CRB1: variants seen among roughly 807,000 people sequenced by gnomAD.
CRB1 encodes crumbs cell polarity complex component 1, also known as protein crumbs homolog 1.
A neutral mutation model predicts 120.0 loss-of-function variants in CRB1; 83 were observed. The ratio of observed to expected loss-of-function variants is 0.69; its 90% confidence interval spans 0.58 to 0.83. CRB1 has a LOEUF of 0.83. CRB1 is among the 40% of genes least tolerant of loss of function. CRB1 has a pLI of 0.00. For synonymous variants in CRB1, 625 were observed against 612.5 expected (o/e 1.02, Z -0.30); for missense variants, 1,699 against 1,687.6 (o/e 1.01, Z -0.12).
At chr1:197,451,152 A>G (rs573912722) in intron 11 of CRB1, among the ~76,000 whole-genome samples, 2 of 152,188 alleles carry the variant, frequency 1.3e-5, no homozygotes, top group Non-Finnish European at 2.9e-5. Flanking sequence ...ACCGTATTTC[A>G]GAAATAGTGT....
At chr1:197,321,857 A>T (rs1658216270) in intron 1 of CRB1, among the ~76,000 whole-genome samples, 1 of 152,200 alleles carries the variant, frequency 6.6e-6, no homozygotes, top group South Asian at 2.1e-4. Flanking sequence ...GACTTCTAAC[A>T]ATTTGAATAT....
At chr1:197,360,438 T>C (rs748813500) in intron 5 of CRB1, 19 of 152,244 alleles carry the variant, frequency 1.2e-4, no homozygotes, top group Non-Finnish European at 2.4e-4. Context: ...GGACTGCTTA[T>C]GGGGTCACCA....
intron 5 of CRB1, among the ~76,000 whole-genome samples, chr1:197,406,877 C>A (rs1663437576): frequency 6.6e-6 from 1 of 152,134 alleles, no homozygotes; most frequent in Non-Finnish European, 1.5e-5. Context: ...GTTCTCACAA[C>A]AACTAAAGGT....
intron 5 of CRB1, among the ~76,000 whole-genome samples, chr1:197,361,852 A>T (rs1660786607): frequency 1.3e-5 from 2 of 148,900 alleles, no homozygotes; most frequent in African/African-American, 5.0e-5. Flanking sequence ...TTATATCCTT[A>T]TTTCTGTTTG....
chr1:197,228,906 A>G, the CRB1 span, among the ~76,000 whole-genome samples: 2 of 152,342 alleles, frequency 1.3e-5, no homozygotes, highest in Middle Eastern at 3.4e-3. Flanking sequence ...GAGGAGGTGC[A>G]AAAGCGGAAA....
chr1:197,286,225 C>G (rs1479284740), intron 1 of CRB1, among the ~76,000 whole-genome samples: 1 of 151,924 alleles, frequency 6.6e-6, no homozygotes, highest in Non-Finnish European at 1.5e-5. Context: ...GGTTACCTAT[C>G]AAAGGGCACA....
intron 4 of CRB1, among the ~76,000 whole-genome samples, chr1:197,354,835 CCCG>C (rs1660364492): frequency 1.4e-3 from 22 of 15,358 alleles, no homozygotes; most frequent in Non-Finnish European, 5.7e-3. Flanking sequence ...ACCCCCCCCC[CCCG>C]CCCACCCCCC....
At chr1:197,262,494 T>C in the CRB1 span, among the ~76,000 whole-genome samples, 1 of 152,240 alleles carries the variant, frequency 6.6e-6, no homozygotes, top group East Asian at 1.9e-4. Flanking sequence ...GATTTTATTT[T>C]GCTTCTTTTA....
rs139135936 is a variant in CRB1 at position 197,288,660 on chromosome 1, T to C, written c.70+20178T>C. The stretch of plus-strand genomic sequence containing the variant: ...ATGAGAAAGATTCAAATCAAACTTA[T>C]AGAGAAAGAATCTACAAGGTATAAG... On this transcript the variant is annotated intron_variant, in intron 1 of 11. Coordinates refer to ENST00000367400, the MANE Select transcript of CRB1 (RefSeq NM_201253.3). Among the ~76,000 whole-genome samples, 39 of 151,856 alleles carry C rather than the reference T, an allele frequency of 2.6e-4. No individual in the cohort carries two copies. In the East Asian group the frequency reaches 3.1e-3, roughly 12 times the overall value.
chr1:197,351,968 G>T (rs1660137228), intron 4 of CRB1, among the ~76,000 whole-genome samples: 1 of 152,150 alleles, frequency 6.6e-6, no homozygotes. Flanking sequence ...TTCAGCTCAT[G>T]ACTTCACTGC....
At chr1:197,410,020 C>A (rs1663622724) in intron 5 of CRB1, among the ~76,000 whole-genome samples, 1 of 152,128 alleles carries the variant, frequency 6.6e-6, no homozygotes, top group Non-Finnish European at 1.5e-5. Context: ...CTCCTGACCT[C>A]GTGATCCGCC....
chr1:197,435,204 A>G lies in CRB1; in HGVS notation c.3341A>G (p.His1114Arg). Residue 1114 changes from histidine (H) to arginine (R), a missense_variant, in exon 9 of 12, where the codon CAT becomes CGT. Transcript: ENST00000367400. ...GIYLSYFENVHGFINKPQEEQ... is the reference protein window; with the variant it reads ...GIYLSYFENVRGFINKPQEEQ... ...TATCTCTCTTACTTTGAAAATGTTC[A>G]TGGTTTCATTAATAAACCTCAGGAA... 1 of 1,613,960 alleles carries G rather than the reference A, an allele frequency of 6.2e-7. No individual in the cohort carries two copies. Among genetic ancestry groups the G allele is most frequent in the Non-Finnish European group, 8.5e-7 (1 of 1,179,872 alleles).
intron 5 of CRB1, among the ~76,000 whole-genome samples, chr1:197,390,470 C>T (rs1198245250): frequency 2.6e-5 from 4 of 152,138 alleles, no homozygotes; most frequent in South Asian, 4.1e-4. Context: ...CAACATTCTC[C>T]TGGGCAGTAG....
intron 11 of CRB1, among the ~76,000 whole-genome samples, chr1:197,453,838 T>C (rs1344369584): frequency 3.5e-5 from 5 of 142,918 alleles, no homozygotes; most frequent in Non-Finnish European, 6.0e-5. Context: ...ATTAATATAT[T>C]ATCAATATTA....
rs572190867 is a variant in CRB1 at position 197,313,081 on chromosome 1, A to G, written c.71-15341A>G. On this transcript the variant is annotated intron_variant, in intron 1 of 11. Coordinates refer to ENST00000367400, the MANE Select transcript of CRB1 (RefSeq NM_201253.3). ...ACTGGGAGGCCTCAGGAAACCTACA[A>G]TCATGGCCAAAGGTGAAGGGGAACC... is the stretch of plus-strand genomic sequence containing the variant. 1.2e-4 allele frequency among the ~76,000 whole-genome samples: 18 copies of G among 152,308 alleles called. No homozygotes were observed. In the East Asian group the frequency reaches 3.3e-3, roughly 28 times the overall value.
chr1:197,249,134 C>T, the CRB1 span, among the ~76,000 whole-genome samples: 2 of 151,658 alleles, frequency 1.3e-5, no homozygotes, highest in African/African-American at 4.8e-5. Context: ...GCATACACAC[C>T]ATACATATCA....
At chr1:197,261,160 T>C in the CRB1 span, among the ~76,000 whole-genome samples, 1 of 152,178 alleles carries the variant, frequency 6.6e-6, no homozygotes, top group African/African-American at 2.4e-5. Context: ...TAAAAATCTA[T>C]ACAAACACAG....
chr1:197,344,489 T>C lies in CRB1; in HGVS notation c.848+13T>C. 1 of 1,611,682 alleles carries C rather than the reference T, an allele frequency of 6.2e-7. No homozygotes were observed. Among genetic ancestry groups the C allele is most frequent in the South Asian group, 1.1e-5 (1 of 91,018 alleles). ...ATGGAGAAAACAGGTACATTTTCTC[T>C]GGCGTTGGGTGATTGGCTTAGAACT... On this transcript the variant is annotated intron_variant, in intron 3 of 11. Coordinates refer to ENST00000367400, the MANE Select transcript of CRB1 (RefSeq NM_201253.3).
intron 8 of CRB1, among the ~76,000 whole-genome samples, chr1:197,430,703 A>T (rs890985413): frequency 6.6e-6 from 1 of 151,944 alleles, no homozygotes; most frequent in South Asian, 2.1e-4. Context: ...TTGTTCCTTG[A>T]TATTTTGTTA....
Sources: gnomAD v4.1 joint callset for allele counts (sites outside exome capture counted in the v4.1 genomes callset) on GRCh38, gnomAD v4.1.1 for gene constraint, MANE v1.5 for transcripts, NCBI Gene and HGNC (gene_info 2026-07-23, HGNC 2026-07-21) for gene names.